Variants in BMAL1 observed in about 807,000 individuals in gnomAD.
The protein encoded by BMAL1 is basic helix-loop-helix ARNT-like protein 1.
the BMAL1 span, among the ~76,000 whole-genome samples, chr11:13,345,954 G>A: frequency 6.6e-6 from 1 of 152,172 alleles, no homozygotes; most frequent in African/African-American, 2.4e-5. Flanking sequence ...TGTCTGGGAC[G>A]GAGGGGTTTC....
chr11:13,369,874 G>C, the BMAL1 span: 1 of 1,419,544 alleles, frequency 7.0e-7, no homozygotes, highest in Non-Finnish European at 9.5e-7. Flanking sequence ...GGCCAGAGTG[G>C]CAGGTCCCAG....
the BMAL1 span, chr11:13,376,418 T>C: frequency 5.2e-6 from 3 of 580,426 alleles, no homozygotes; most frequent in East Asian, 9.1e-5. Flanking sequence ...CTGAACTGTG[T>C]CCCACACATA....
chr11:13,299,425 G>A, the BMAL1 span, among the ~76,000 whole-genome samples: 4,070 of 152,260 alleles, frequency 0.027, 169 homozygotes, highest in African/African-American at 0.093. Flanking sequence ...AGCTTCTGGG[G>A]GTGGCAGAAG....
At chr11:13,378,658 A>G in the BMAL1 span, 1 of 571,308 alleles carries the variant, frequency 1.8e-6, no homozygotes, top group Non-Finnish European at 2.9e-6. Context: ...TCCCCACCCA[A>G]CAAAGAATTA....
chr11:13,354,702 C>T, the BMAL1 span: 2 of 454,964 alleles, frequency 4.4e-6, no homozygotes, highest in East Asian at 4.3e-5. Context: ...AGAAAAAGAA[C>T]AGCCTTAAGG....
chr11:13,338,231 G>GA, the BMAL1 span, among the ~76,000 whole-genome samples: 135 of 150,834 alleles, frequency 9.0e-4, 1 homozygote, highest in Non-Finnish European at 1.6e-3. Context: ...ACAAATGAAG[G>GA]AAAAAAAACA....
chr11:13,292,901 T>C, the BMAL1 span, among the ~76,000 whole-genome samples: 1 of 152,210 alleles, frequency 6.6e-6, no homozygotes, highest in Non-Finnish European at 1.5e-5. Context: ...CTTTTTCCAG[T>C]AGCCGGAATT....
the BMAL1 span, among the ~76,000 whole-genome samples, chr11:13,340,016 C>T: frequency 1.2e-3 from 179 of 152,244 alleles, no homozygotes; most frequent in African/African-American, 4.1e-3. Context: ...ACAGTGTCTT[C>T]GTTATTACAA....
the BMAL1 span, among the ~76,000 whole-genome samples, chr11:13,300,936 AGTT>A: frequency 6.6e-6 from 1 of 152,086 alleles, no homozygotes; most frequent in South Asian, 2.1e-4. Flanking sequence ...GATTTGTTGT[AGTT>A]GTTGTTGTTA....
At chr11:13,315,618 C>G in the BMAL1 span, among the ~76,000 whole-genome samples, 1 of 152,166 alleles carries the variant, frequency 6.6e-6, no homozygotes, top group African/African-American at 2.4e-5. Flanking sequence ...TATACGCCAC[C>G]GTTCCCTCTG....
At chr11:13,346,910 A>G in the BMAL1 span, among the ~76,000 whole-genome samples, 1 of 152,152 alleles carries the variant, frequency 6.6e-6, no homozygotes, top group African/African-American at 2.4e-5. Flanking sequence ...TCTCAAAGGC[A>G]CCTCTGTTGG....
At chr11:13,360,357 C>T in the BMAL1 span, 5 of 1,613,392 alleles carry the variant, frequency 3.1e-6, no homozygotes, top group Non-Finnish European at 4.2e-6. Context: ...GCCACCAATC[C>T]ATACACAGAA....
At chr11:13,373,719 A>C in the BMAL1 span, among the ~76,000 whole-genome samples, 5 of 152,154 alleles carry the variant, frequency 3.3e-5, no homozygotes, top group Non-Finnish European at 7.4e-5. Context: ...ATGTTGCCCA[A>C]GCTAATCTTG....
the BMAL1 span, among the ~76,000 whole-genome samples, chr11:13,292,874 C>T: frequency 3.9e-5 from 6 of 152,160 alleles, no homozygotes; most frequent in Non-Finnish European, 5.9e-5. Context: ...GGGAAAGACC[C>T]GGAAGCAGCA....
the BMAL1 span, chr11:13,357,194 C>G: frequency 6.6e-7 from 1 of 1,519,082 alleles, no homozygotes; most frequent in African/African-American, 1.4e-5. This position sits in a 1 kb window ranked among gnomAD's most constrained non-coding sequence, Gnocchi z 4.8. Context: ...TCTAAGAGTT[C>G]TGTTGGGCAC....
the BMAL1 span, among the ~76,000 whole-genome samples, chr11:13,354,798 G>A: frequency 3.9e-5 from 6 of 152,192 alleles, no homozygotes; most frequent in African/African-American, 1.4e-4. Flanking sequence ...TCATCTCAGG[G>A]GGTTCAAAGA....
At chr11:13,358,308 T>A in the BMAL1 span, 5 of 1,135,294 alleles carry the variant, frequency 4.4e-6, no homozygotes, top group Non-Finnish European at 6.0e-6. Flanking sequence ...TTTTAAACAT[T>A]CTGCAAATTC....
At chr11:13,380,861 C>T in the BMAL1 span, 3 of 252,034 alleles carry the variant, frequency 1.2e-5, no homozygotes, top group Non-Finnish European at 2.3e-5. Context: ...CTAGGGACTG[C>T]ATTCTAGATC....
chr11:13,338,350 G>A, the BMAL1 span, among the ~76,000 whole-genome samples: 3 of 152,154 alleles, frequency 2.0e-5, no homozygotes, highest in South Asian at 2.1e-4. Context: ...CCCGAGACTC[G>A]TTATAGATTA....
Sources: gnomAD v4.1 joint callset for allele counts (sites outside exome capture counted in the v4.1 genomes callset) on GRCh38, gnomAD v4.1.1 for gene constraint, Gnocchi (gnomAD v3.1) non-coding constraint, MANE v1.5 for transcripts, NCBI Gene and HGNC (gene_info 2026-07-23, HGNC 2026-07-21) for gene names.